NPAS3: variants seen among roughly 807,000 people sequenced by gnomAD.
NPAS3 encodes neuronal PAS domain protein 3, also known as neuronal PAS domain-containing protein 3.
In NPAS3, 14 loss-of-function variants were observed where a neutral mutation model predicts 73.1. The observed-to-expected ratio is 0.19, with a 90% CI of 0.13 to 0.30. The LOEUF (loss-of-function observed/expected upper bound fraction) is 0.30. Among genes scored for constraint, NPAS3 ranks in the 10% least tolerant of loss-of-function variants. NPAS3 has a pLI of 1.00. For synonymous variants in NPAS3, 620 were observed against 541.5 expected, an observed-to-expected ratio of 1.14 and a Z score of -2.01; for missense variants, 1,096 against 1,250.0, an observed-to-expected ratio of 0.88 and a Z score of 1.86.
intron 2 of NPAS3, among the ~76,000 whole-genome samples, chr14:33,129,312 C>A (rs1240687454): frequency 3.9e-5 from 6 of 152,116 alleles, no homozygotes; most frequent in Admixed American, 1.3e-4. Flanking sequence ...CAACCATTGT[C>A]AGTGTATGAA....
At chr14:33,619,722 T>C (rs751389402) in intron 5 of NPAS3, among the ~76,000 whole-genome samples, 3 of 152,206 alleles carry the variant, frequency 2.0e-5, no homozygotes, top group African/African-American at 7.2e-5. Context: ...AAAAGGTGCA[T>C]TATTGGGAAG....
At chr14:33,315,232 G>A (rs2043161135) in intron 3 of NPAS3, among the ~76,000 whole-genome samples, 1 of 152,006 alleles carries the variant, frequency 6.6e-6, no homozygotes, top group African/African-American at 2.4e-5. Flanking sequence ...TGGAATTTAT[G>A]GGAAATATTA....
intron 3 of NPAS3, among the ~76,000 whole-genome samples, chr14:33,284,054 C>A (rs2041753219): frequency 6.6e-6 from 1 of 152,010 alleles, no homozygotes; most frequent in Admixed American, 6.6e-5. Context: ...ATTTGTTGTT[C>A]AATTATTGTA....
intron 5 of NPAS3, among the ~76,000 whole-genome samples, chr14:33,663,298 C>T (rs747865788): frequency 6.6e-5 from 10 of 152,028 alleles, no homozygotes; most frequent in South Asian, 2.1e-4. Flanking sequence ...TGAATTTTAT[C>T]GAAGGCCTTT....
At chr14:32,999,772 T>A (rs2038736460) in intron 1 of NPAS3, among the ~76,000 whole-genome samples, 2 of 151,982 alleles carry the variant, frequency 1.3e-5, no homozygotes, top group African/African-American at 4.8e-5. Context: ...ATACTTACTC[T>A]TACATGTTTT....
chr14:33,047,617 G>GA (rs1402336998), intron 1 of NPAS3, among the ~76,000 whole-genome samples: 2 of 152,200 alleles, frequency 1.3e-5, no homozygotes, highest in Non-Finnish European at 2.9e-5. Context: ...GAAGAATGTA[G>GA]ACAAGCCTAG....
At chr14:33,714,606 C>T (rs2060910228) in intron 6 of NPAS3, among the ~76,000 whole-genome samples, 1 of 152,160 alleles carries the variant, frequency 6.6e-6, no homozygotes, top group East Asian at 1.9e-4. Flanking sequence ...GGTAAGAAGT[C>T]AACAGTACTA....
chr14:33,391,687 G>A (rs978698224), intron 4 of NPAS3, among the ~76,000 whole-genome samples: 1 of 152,158 alleles, frequency 6.6e-6, no homozygotes, highest in East Asian at 1.9e-4. Context: ...ATATTGTGTT[G>A]AAGTTTTTAT....
chr14:33,676,192 C>T lies in NPAS3; in HGVS notation c.559-19C>T. The T allele has an allele frequency of 6.2e-7, 1 of 1,612,596 alleles. No homozygotes were observed. Among genetic ancestry groups the T allele is most frequent in the Non-Finnish European group, 8.5e-7 (1 of 1,179,270 alleles). On this transcript the variant is annotated intron_variant, in intron 5 of 11. Transcript: ENST00000356141. ...CCTATATAATGTCTTTCCTTCCCAC[C>T]CTTTCTCTCGCCCTCTAGGTGGAGC...
chr14:33,390,261 C>G (rs1215707162), intron 4 of NPAS3, among the ~76,000 whole-genome samples: 1 of 151,906 alleles, frequency 6.6e-6, no homozygotes, highest in African/African-American at 2.4e-5. Context: ...CTTTTGGAAC[C>G]TAGGTCTCCT....
At chr14:33,664,563 A>G (rs536546752) in intron 5 of NPAS3, among the ~76,000 whole-genome samples, 1 of 152,326 alleles carries the variant, frequency 6.6e-6, no homozygotes, top group East Asian at 1.9e-4. Context: ...AAAAGAAACT[A>G]TCAGAGTGAA....
rs1005924109 is a variant in NPAS3, at chr14:33,746,734, CAT to C, written c.852+11407_852+11408del. 4.2e-4 allele frequency among the ~76,000 whole-genome samples: 63 copies of C among 151,576 alleles called. 1 individual carries two copies. Among genetic ancestry groups the C allele is most frequent in the African/African-American group, 1.4e-3 (57 of 41,194 alleles). ...TAAGAATAAACAGTAGGTGAAAAAA[CAT>C]ATATTTCTTTTTTTATTATTATTAT... On this transcript the variant is annotated intron_variant, in intron 7 of 11. Coordinates refer to ENST00000356141, the Ensembl canonical transcript of NPAS3.
At chr14:33,179,900 T>G (rs2045730017) in intron 2 of NPAS3, among the ~76,000 whole-genome samples, 1 of 152,186 alleles carries the variant, frequency 6.6e-6, no homozygotes, top group African/African-American at 2.4e-5. Flanking sequence ...CCAAGATTTT[T>G]CAGAAAAACA....
intron 5 of NPAS3, among the ~76,000 whole-genome samples, chr14:33,576,958 G>A (rs2056461332): frequency 2.0e-5 from 3 of 152,160 alleles, no homozygotes; most frequent in Admixed American, 6.5e-5. Flanking sequence ...AAATGGGTTG[G>A]AGGAAAATAA....
intron 1 of NPAS3, among the ~76,000 whole-genome samples, chr14:33,043,940 C>T (rs1423262310): frequency 2.0e-5 from 3 of 152,140 alleles, no homozygotes; most frequent in African/African-American, 4.8e-5. Context: ...TACATTGCCT[C>T]AAGTACAATT....
chr14:33,374,699 C>T (rs1027975175), intron 4 of NPAS3, among the ~76,000 whole-genome samples: 4 of 79,198 alleles, frequency 5.1e-5, no homozygotes, highest in African/African-American at 2.1e-4. Flanking sequence ...TGGGGTGTGT[C>T]GGGGCGGGGG....
intron 4 of NPAS3, among the ~76,000 whole-genome samples, chr14:33,428,407 T>G (rs1377304511): frequency 6.6e-6 from 1 of 152,152 alleles, no homozygotes; most frequent in African/African-American, 2.4e-5. Context: ...CAGCTGTAAT[T>G]AGTTCTTAAA....
At chr14:33,253,984 C>T (rs989170729) in intron 3 of NPAS3, among the ~76,000 whole-genome samples, 1 of 152,082 alleles carries the variant, frequency 6.6e-6, no homozygotes, top group Non-Finnish European at 1.5e-5. Context: ...CCCAGCTACC[C>T]AAATATAAAC....
chr14:33,284,451 G>T (rs1403808448), intron 3 of NPAS3, among the ~76,000 whole-genome samples: 1 of 152,046 alleles, frequency 6.6e-6, no homozygotes, highest in Non-Finnish European at 1.5e-5. Context: ...GCCAGTATGG[G>T]TAGGAAGCTG....
Sources: gnomAD v4.1 joint callset for allele counts (sites outside exome capture counted in the v4.1 genomes callset) on GRCh38, gnomAD v4.1.1 for gene constraint, MANE v1.5 for transcripts, NCBI Gene and HGNC (gene_info 2026-07-23, HGNC 2026-07-21) for gene names.